CFAP184: variants seen among roughly 807,000 people sequenced by gnomAD.
CFAP184 encodes cilia- and flagella-associated protein 184.
chr4:7,040,859 C>G, the CFAP184 span: 1 of 158,850 alleles, frequency 6.3e-6, no homozygotes, highest in East Asian at 1.9e-4. Context: ...TTTAATAAAT[C>G]CAAAGAATTT....
the CFAP184 span, chr4:7,042,177 G>A: frequency 6.8e-5 from 109 of 1,599,454 alleles, no homozygotes; most frequent in Non-Finnish European, 8.7e-5. Flanking sequence ...GCAGCGCCTC[G>A]AAGATCTTGT....
the CFAP184 span, chr4:7,041,195 A>C: frequency 6.7e-7 from 1 of 1,501,966 alleles, no homozygotes; most frequent in African/African-American, 1.4e-5. Context: ...CCTTTTTAAT[A>C]GCAACGAAGG....
At chr4:7,042,198 T>C in the CFAP184 span, 74 of 1,599,492 alleles carry the variant, frequency 4.6e-5, 1 homozygote, top group East Asian at 1.1e-3. Flanking sequence ...GCTGCAGGTA[T>C]AGGTTGTAGC....
the CFAP184 span, chr4:7,041,072 T>C: frequency 1.5e-6 from 1 of 653,192 alleles, no homozygotes; most frequent in Non-Finnish European, 2.3e-6. Flanking sequence ...CTGGACCTAT[T>C]TTTGCTCAAT....
chr4:7,042,473 C>T, the CFAP184 span: 1 of 1,610,564 alleles, frequency 6.2e-7, no homozygotes. Flanking sequence ...TCCGGGGCTG[C>T]AGCAGCCTCT....
chr4:7,042,902 CG>C, the CFAP184 span: 1 of 1,549,750 alleles, frequency 6.5e-7, no homozygotes, highest in African/African-American at 1.4e-5. Context: ...CCGCCTTCCC[CG>C]CCGGGGTCCT....
the CFAP184 span, chr4:7,042,138 C>G: frequency 6.2e-7 from 1 of 1,606,128 alleles, no homozygotes; most frequent in Non-Finnish European, 8.5e-7. Flanking sequence ...GGTCAGCCAC[C>G]TCAGCGGCCT....
chr4:7,041,350 C>T, the CFAP184 span: 4 of 1,614,180 alleles, frequency 2.5e-6, no homozygotes, highest in Middle Eastern at 3.3e-4. Context: ...AGCGTGGTGG[C>T]GCTTCAGGGA....
the CFAP184 span, chr4:7,041,724 A>G: frequency 6.2e-7 from 1 of 1,614,196 alleles, no homozygotes; most frequent in South Asian, 1.1e-5. Context: ...CAAAGTCAAT[A>G]AGAAGCAGAC....
At chr4:7,042,205 T>G in the CFAP184 span, 1 of 1,598,524 alleles carries the variant, frequency 6.3e-7, no homozygotes, top group Non-Finnish European at 8.5e-7. Context: ...GTATAGGTTG[T>G]AGCGCTGGGA....
chr4:7,042,511 G>C, the CFAP184 span: 1 of 1,608,848 alleles, frequency 6.2e-7, no homozygotes, highest in East Asian at 2.2e-5. Flanking sequence ...CAGCGGCAGA[G>C]AGGCCTGGAA....
At chr4:7,041,385 G>A in the CFAP184 span, 1 of 1,614,228 alleles carries the variant, frequency 6.2e-7, no homozygotes, top group Non-Finnish European at 8.5e-7. Context: ...GAAGCAGTTC[G>A]GTCTTGTCCA....
the CFAP184 span, chr4:7,042,293 C>T: frequency 1.3e-6 from 2 of 1,587,772 alleles, no homozygotes; most frequent in Non-Finnish European, 1.7e-6. Flanking sequence ...AGCTTCTGGA[C>T]CTCCTCGGAC....
chr4:7,042,711 G>C, the CFAP184 span: 1 of 1,513,616 alleles, frequency 6.6e-7, no homozygotes, highest in Non-Finnish European at 8.8e-7. Context: ...CCGCAGCCTC[G>C]GCTGCCGTTA....
the CFAP184 span, chr4:7,041,167 C>G: frequency 6.8e-7 from 1 of 1,468,090 alleles, no homozygotes; most frequent in Non-Finnish European, 9.0e-7. Flanking sequence ...AATAGAGTCC[C>G]GTCCCAAATG....
At chr4:7,042,199 A>G in the CFAP184 span, 1 of 1,598,910 alleles carries the variant, frequency 6.3e-7, no homozygotes. Context: ...CTGCAGGTAT[A>G]GGTTGTAGCG....
chr4:7,042,698 C>A, the CFAP184 span: 1 of 1,511,748 alleles, frequency 6.6e-7, no homozygotes, highest in Non-Finnish European at 8.8e-7. Context: ...GGCCCCTCCT[C>A]GCCCGCAGCC....
At chr4:7,042,777 T>C in the CFAP184 span, 1 of 1,543,618 alleles carries the variant, frequency 6.5e-7, no homozygotes, top group African/African-American at 1.4e-5. Flanking sequence ...GCGAAGCCGC[T>C]TGCTCCTCCT....
the CFAP184 span, chr4:7,042,763 C>A: frequency 6.5e-7 from 1 of 1,534,908 alleles, no homozygotes; most frequent in Non-Finnish European, 8.7e-7. Context: ...GGCGGTGCCT[C>A]CCTGCGAAGC....
Sources: gnomAD v4.1 joint callset for allele counts on GRCh38, gnomAD v4.1.1 for gene constraint, MANE v1.5 for transcripts, NCBI Gene and HGNC (gene_info 2026-07-23, HGNC 2026-07-21) for gene names.